Variants in FGF12 observed in about 807,000 individuals in gnomAD.
FGF12 encodes fibroblast growth factor 12.
FGF12 carries 14 observed loss-of-function variants against 23.6 expected under a neutral mutation model. The observed-to-expected ratio is 0.59, with a 90% CI of 0.39 to 0.93. The LOEUF is 0.93. Ranked by LOEUF, FGF12 falls within the 40% of genes least tolerant of loss-of-function variation. The pLI, the probability that FGF12 is intolerant of heterozygous loss-of-function variation, is 0.00. For synonymous variants in FGF12, 62 were observed against 77.3 expected (o/e 0.80, Z 1.04); for missense variants, 175 against 217.8 (o/e 0.80, Z 1.24).
At chr3:192,401,722 C>T (rs755665981) in intron 2 of FGF12, among the ~76,000 whole-genome samples, 1 of 152,192 alleles carries the variant, frequency 6.6e-6, no homozygotes, top group Non-Finnish European at 1.5e-5. Flanking sequence ...TCTTAGGCTT[C>T]TCAAGGCCCT....
chr3:192,154,825 G>A (rs1336592692), intron 5 of FGF12, among the ~76,000 whole-genome samples: 1 of 146,742 alleles, frequency 6.8e-6, no homozygotes, highest in African/African-American at 2.5e-5. Context: ...GCCTCCTTGA[G>A]CTGTGGTGGG....
chr3:192,574,445 T>A (rs571277656), intron 2 of FGF12, among the ~76,000 whole-genome samples: 1 of 152,312 alleles, frequency 6.6e-6, no homozygotes, highest in South Asian at 2.1e-4. Context: ...ATATAAACTT[T>A]TGCTTAAAGA....
chr3:192,326,914 G>C (rs1014995592), intron 4 of FGF12, among the ~76,000 whole-genome samples: 1 of 152,130 alleles, frequency 6.6e-6, no homozygotes, highest in Non-Finnish European at 1.5e-5. Context: ...AGCAATAATA[G>C]AGTTATTGCA....
intron 2 of FGF12, among the ~76,000 whole-genome samples, chr3:192,376,061 C>G (rs1719479788): frequency 6.6e-6 from 1 of 152,096 alleles, no homozygotes; most frequent in Non-Finnish European, 1.5e-5. Context: ...TCTGCAAATT[C>G]TCTATCTTAA....
intron 4 of FGF12, among the ~76,000 whole-genome samples, chr3:192,279,231 T>A (rs1713990511): frequency 2.9e-5 from 1 of 34,844 alleles, no homozygotes. Context: ...AATGTATGAG[T>A]ATATATATAT....
chr3:192,661,195 T>C (rs1368736168), intron 2 of FGF12, among the ~76,000 whole-genome samples: 1 of 152,080 alleles, frequency 6.6e-6, no homozygotes, highest in Non-Finnish European at 1.5e-5. Context: ...AATCCTACCC[T>C]GGAATTGGAA....
chr3:192,533,994 T>C (rs1335228710), intron 2 of FGF12: 1 of 131,808 alleles, frequency 7.6e-6, no homozygotes, highest in Non-Finnish European at 1.5e-5. Flanking sequence ...GATGACAGGG[T>C]TTTTTTTTTT....
intron 4 of FGF12, among the ~76,000 whole-genome samples, chr3:192,276,063 T>C (rs1289568149): frequency 2.6e-5 from 4 of 152,222 alleles, no homozygotes; most frequent in African/African-American, 9.6e-5. Context: ...AGATTATCAA[T>C]GTTAACAGTC....
chr3:192,619,916 T>G (rs972442643), intron 2 of FGF12, among the ~76,000 whole-genome samples: 18 of 152,142 alleles, frequency 1.2e-4, no homozygotes, highest in African/African-American at 4.1e-4. Flanking sequence ...ACCAACAAGT[T>G]GACAGCTTCT....
intron 2 of FGF12, among the ~76,000 whole-genome samples, chr3:192,417,458 G>A (rs541702315): frequency 2.0e-5 from 3 of 152,056 alleles, no homozygotes; most frequent in South Asian, 4.1e-4. Flanking sequence ...CTGTAAGAAC[G>A]TAGTATAGTG....
chr3:192,358,990 A>G (rs1164221373), intron 3 of FGF12, among the ~76,000 whole-genome samples: 1 of 152,144 alleles, frequency 6.6e-6, no homozygotes, highest in African/African-American at 2.4e-5. Context: ...TTGCATCTAT[A>G]TTTGTAGCCT....
At chr3:192,311,927 GTCTATCTATCTATCTA>G (rs35183560) in intron 4 of FGF12, among the ~76,000 whole-genome samples, 12 of 145,364 alleles carry the variant, frequency 8.3e-5, no homozygotes, top group East Asian at 4.0e-4. Flanking sequence ...TTGACTGTCT[GTCTATCTATCTATCTA>G]TCTATCTATC....
At chr3:192,461,861 G>A (rs1054752123) in intron 2 of FGF12, among the ~76,000 whole-genome samples, 10 of 151,854 alleles carry the variant, frequency 6.6e-5, no homozygotes, top group African/African-American at 1.7e-4. Flanking sequence ...ATGGTGGTGC[G>A]TGCCTGTAAT....
At chr3:192,696,385 C>A (rs955835788) in intron 2 of FGF12, among the ~76,000 whole-genome samples, 5 of 152,096 alleles carry the variant, frequency 3.3e-5, no homozygotes, top group African/African-American at 1.2e-4. Flanking sequence ...GGCTGCAGAG[C>A]TTTTCAGTGT....
intron 5 of FGF12, among the ~76,000 whole-genome samples, chr3:192,161,976 GT>G (rs1486247653): frequency 6.6e-6 from 1 of 152,038 alleles, no homozygotes; most frequent in East Asian, 1.9e-4. Context: ...TTTAACTTCT[GT>G]TTTTAATAAA....
chr3:192,341,909 G>GAATAGGACCTTGGCCTTAGAA (rs1450572549), intron 3 of FGF12, among the ~76,000 whole-genome samples: 1 of 151,862 alleles, frequency 6.6e-6, no homozygotes, highest in Non-Finnish European at 1.5e-5. Context: ...CTAACATTTG[G>GAATAGGACCTTGGCCTTAGAA]AGTTAACATA....
At chr3:192,375,702 A>G (rs544819784) in intron 2 of FGF12, among the ~76,000 whole-genome samples, 1 of 150,186 alleles carries the variant, frequency 6.7e-6, no homozygotes, top group Non-Finnish European at 1.5e-5. Context: ...TTGTGAACCA[A>G]TAAGGAACCA....
At position 192,346,526 on chromosome 3, in the gene FGF12, C is replaced by A. The variant is rs544518478; in HGVS notation, c.125-11062G>T. On this transcript the variant is annotated intron_variant, in intron 3 of 5. Transcript: ENST00000445105. ...TAATCACTTGGTAGTACCAGTGACA[C>A]CTTTTGTTTTACATTAAAATGTAAA... Among the ~76,000 whole-genome samples, 11 of 152,208 alleles carry A rather than the reference C, an allele frequency of 7.2e-5. No homozygotes were observed. In the South Asian group the frequency reaches 2.3e-3, roughly 32 times the overall value.
At chr3:192,227,012 G>A (rs556318516) in intron 4 of FGF12, among the ~76,000 whole-genome samples, 26 of 152,188 alleles carry the variant, frequency 1.7e-4, no homozygotes, top group South Asian at 6.2e-4. Context: ...CAAAAGGGCC[G>A]TCCAAGAACC....
Sources: gnomAD v4.1 joint callset for allele counts (sites outside exome capture counted in the v4.1 genomes callset) on GRCh38, gnomAD v4.1.1 for gene constraint, MANE v1.5 for transcripts, NCBI Gene and HGNC (gene_info 2026-07-23, HGNC 2026-07-21) for gene names.